ANK3: variants seen among roughly 807,000 people sequenced by gnomAD.
ANK3 encodes the protein ankyrin-3.
Under a neutral mutation model 370.9 loss-of-function variants are expected in ANK3, and 57 were observed. That is an observed-to-expected ratio of 0.15 (90% CI 0.12 to 0.19). ANK3 has a LOEUF of 0.19. Among genes scored for constraint, ANK3 ranks in the 10% least tolerant of loss-of-function variants. ANK3 has a pLI of 1.00. For missense variants in ANK3, 4,439 were observed against 5,302.1 expected (o/e 0.84, Z 5.06); for synonymous variants, 1,929 against 1,946.3 (o/e 0.99, Z 0.23).
rs781782384 is a variant in ANK3 at position 60,073,094 on chromosome 10, C to T, written c.7787G>A (p.Arg2596His). 2.3e-5 allele frequency: 37 copies of T among 1,613,880 alleles called. No homozygotes were observed. The highest frequency in any genetic ancestry group is 6.7e-5 in the Admixed American group (4 of 59,956). ...ATCATTTAGCTTTTCAGTTTTGTCACGAAAAAACTGTGACACTTCAGTCAG... is the reference window on the plus strand; with the variant it reads ...ATCATTTAGCTTTTCAGTTTTGTCATGAAAAAACTGTGACACTTCAGTCAG... The part of the protein sequence containing the change: ...EKLTEVSQFF[R>H]DKTEKLNDEL... The change falls in exon 37 of 44, where the codon CGT (arginine) becomes CAT (histidine). Residue 2596 changes from arginine to histidine, a missense_variant. Physicochemically the swap from Arg to His is conservative, Grantham distance 29. Transcript: ENST00000280772.
intron 1 of ANK3, among the ~76,000 whole-genome samples, chr10:60,646,617 C>T (rs1249632167): frequency 2.6e-5 from 4 of 152,052 alleles, no homozygotes; most frequent in African/African-American, 4.8e-5. Context: ...GGGTAGGAGC[C>T]TATTATGGAG....
intron 5 of ANK3, among the ~76,000 whole-genome samples, chr10:60,264,254 T>C (rs748738793): frequency 3.3e-5 from 5 of 152,172 alleles, no homozygotes; most frequent in African/African-American, 4.8e-5. Context: ...TGGTTTTCTT[T>C]TCCATTAAAA....
At chr10:60,283,195 C>T (rs1415232527) in intron 1 of ANK3, among the ~76,000 whole-genome samples, 1 of 152,040 alleles carries the variant, frequency 6.6e-6, no homozygotes, top group East Asian at 1.9e-4. Flanking sequence ...CCAATTTTGC[C>T]CATAGAGAAT....
At chr10:60,031,881 G>GAAAGT (rs1285371581) in intron 43 of ANK3, among the ~76,000 whole-genome samples, 1 of 152,100 alleles carries the variant, frequency 6.6e-6, no homozygotes, top group African/African-American at 2.4e-5. Context: ...CCAAGAACAT[G>GAAAGT]AAAGTATCAA....
chr10:60,559,063 C>T (rs1407310268), intron 2 of ANK3, among the ~76,000 whole-genome samples: 1 of 152,144 alleles, frequency 6.6e-6, no homozygotes, highest in Admixed American at 6.6e-5. Context: ...TATTCTTATG[C>T]TAGCAATGCT....
rs1554804407 is a variant in ANK3, at chr10:60,028,094, T to TAGAAGTGCCAGTCA, written c.*1738_*1751dup. 1 of 152,236 alleles carries TAGAAGTGCCAGTCA rather than the reference T, an allele frequency of 6.6e-6. No individual in the cohort carries two copies. Among genetic ancestry groups the TAGAAGTGCCAGTCA allele is most frequent in the Non-Finnish European group, 1.5e-5 (1 of 68,040 alleles). The allele number at this position is 152,236 out of a possible 1,614,324, so 9.4% of individuals were successfully genotyped here. ...AAAGCAACTGCATGTTGATGGTTCCTAGAAGTGCCAGTCAACTTTTTGACA... is the reference window on the plus strand; with the variant it reads ...AAAGCAACTGCATGTTGATGGTTCCTAGAAGTGCCAGTCAAGAAGTGCCAGTCAACTTTTTGACA... On this transcript the variant is annotated 3_prime_UTR_variant, in exon 44 of 44. Transcript: ENST00000280772.
chr10:60,477,123 T>A (rs1395614994), intron 2 of ANK3, among the ~76,000 whole-genome samples: 1 of 152,144 alleles, frequency 6.6e-6, no homozygotes, highest in Non-Finnish European at 1.5e-5. Flanking sequence ...ATATACTTAT[T>A]TTAATTTCAA....
intron 41 of ANK3, among the ~76,000 whole-genome samples, chr10:60,058,421 A>C (rs1190430363): frequency 6.6e-6 from 1 of 152,222 alleles, no homozygotes; most frequent in Non-Finnish European, 1.5e-5. Flanking sequence ...ACAAATGTTC[A>C]TCATGGCAAT....
intron 2 of ANK3, among the ~76,000 whole-genome samples, chr10:60,588,714 C>G (rs1447985542): frequency 1.3e-5 from 2 of 151,488 alleles, no homozygotes; most frequent in East Asian, 2.0e-4. Context: ...CGAGACCAGC[C>G]TGGGCAACAT....
intron 38 of ANK3, among the ~76,000 whole-genome samples, chr10:60,064,678 A>ACAG (rs776733156): frequency 0.051 from 7,389 of 145,260 alleles, 321 homozygotes; most frequent in African/African-American, 0.12. Context: ...CACAGCAACA[A>ACAG]CAACAACAAC....
intron 1 of ANK3, among the ~76,000 whole-genome samples, chr10:60,686,480 T>A (rs193038295): frequency 7.9e-5 from 12 of 152,332 alleles, no homozygotes; most frequent in Admixed American, 2.6e-4. Context: ...TTAGTACTAA[T>A]ATTTTGCAGA....
At chr10:60,259,462 AC>A (rs1427093836) in intron 7 of ANK3, among the ~76,000 whole-genome samples, 1 of 152,242 alleles carries the variant, frequency 6.6e-6, no homozygotes, top group Non-Finnish European at 1.5e-5. Context: ...CATATTTTAA[AC>A]AAAAGCACAG....
At chr10:60,511,013 G>C (rs1012235687) in intron 2 of ANK3, among the ~76,000 whole-genome samples, 2 of 152,010 alleles carry the variant, frequency 1.3e-5, no homozygotes, top group Non-Finnish European at 2.9e-5. Flanking sequence ...TACAGAGTGA[G>C]AAAACATTTT....
chr10:60,229,518 GT>G (rs2097210431), intron 8 of ANK3, among the ~76,000 whole-genome samples: 1 of 152,150 alleles, frequency 6.6e-6, no homozygotes, highest in Non-Finnish European at 1.5e-5. Context: ...AACAGAATCA[GT>G]TACATTTCTG....
intron 2 of ANK3, among the ~76,000 whole-genome samples, chr10:60,572,036 G>A (rs530319866): frequency 1.3e-5 from 2 of 152,070 alleles, no homozygotes; most frequent in African/African-American, 4.8e-5. Flanking sequence ...ATAACTATAG[G>A]TTTCTCTAAG....
At chr10:60,707,736 T>A (rs1321400823) in intron 1 of ANK3, among the ~76,000 whole-genome samples, 1 of 152,172 alleles carries the variant, frequency 6.6e-6, no homozygotes, top group Non-Finnish European at 1.5e-5. Flanking sequence ...GCAATTTGTA[T>A]GTTTTGCTGT....
intron 1 of ANK3, among the ~76,000 whole-genome samples, chr10:60,687,203 C>T (rs1024804883): frequency 6.6e-6 from 1 of 152,182 alleles, no homozygotes; most frequent in African/African-American, 2.4e-5. Context: ...CAACACACAA[C>T]TGTATATATC....
intron 1 of ANK3, among the ~76,000 whole-genome samples, chr10:60,365,781 C>A (rs1002905302): frequency 6.6e-6 from 1 of 152,086 alleles, no homozygotes. Context: ...AAGCCCAAGG[C>A]CACACTGTTA....
intron 1 of ANK3, among the ~76,000 whole-genome samples, chr10:60,317,046 C>T (rs1285647159): frequency 6.6e-6 from 1 of 152,084 alleles, no homozygotes; most frequent in Non-Finnish European, 1.5e-5. Context: ...GTGCCTGGCC[C>T]CATATTCCAT....
Sources: gnomAD v4.1 joint callset for allele counts (sites outside exome capture counted in the v4.1 genomes callset) on GRCh38, gnomAD v4.1.1 for gene constraint, MANE v1.5 for transcripts, NCBI Gene and HGNC (gene_info 2026-07-23, HGNC 2026-07-21) for gene names.